FAM153A: variants seen among roughly 807,000 people sequenced by gnomAD.
The protein encoded by FAM153A is protein FAM153A.
In FAM153A, 12 loss-of-function variants were observed where a neutral mutation model predicts 48.1. The ratio of observed to expected loss-of-function variants is 0.25; its 90% CI spans 0.16 to 0.40. FAM153A has a LOEUF of 0.40. FAM153A is among the 10% of genes least tolerant of loss of function. The pLI is 1.00. For missense variants in FAM153A, 111 were observed against 345.8 expected, an observed-to-expected ratio of 0.32 and a Z score of 5.38; for synonymous variants, 36 against 118.2, an observed-to-expected ratio of 0.30 and a Z score of 4.51.
At chr5:177,761,523 C>T (rs1257068786) in intron 1 of FAM153A, among the ~76,000 whole-genome samples, 1 of 151,336 alleles carries the variant, frequency 6.6e-6, no homozygotes, top group Non-Finnish European at 1.5e-5. Context: ...GGGCAACTGT[C>T]CCCTGTGCAC....
chr5:177,699,576 T>C, the FAM153A span, among the ~76,000 whole-genome samples: 2 of 152,248 alleles, frequency 1.3e-5, no homozygotes, highest in African/African-American at 4.8e-5. Context: ...GGGAATACTA[T>C]GGACAACTGT....
the FAM153A span, among the ~76,000 whole-genome samples, chr5:177,696,232 C>T: frequency 4.7e-5 from 6 of 127,172 alleles, no homozygotes; most frequent in East Asian, 4.9e-4. Context: ...GATGGGTGGC[C>T]GGGCAGAGGC....
At chr5:177,743,322 TG>T (rs1171875805) in intron 6 of FAM153A, among the ~76,000 whole-genome samples, 487 of 73,326 alleles carry the variant, frequency 6.6e-3, no homozygotes, top group Middle Eastern at 0.013. Flanking sequence ...CTTTCCCACC[TG>T]CAGTGCATGA....
chr5:177,711,261 G>A (rs1426497098), exon 27 of FAM153A: 1 of 151,778 alleles, frequency 6.6e-6, no homozygotes, highest in Non-Finnish European at 1.5e-5. Context: ...TTTTTAAACG[G>A]AATATGAAAC....
At chr5:177,781,182 T>C, upstream of FAM153A, among the ~76,000 whole-genome samples, 1 of 99,888 alleles carries the variant, frequency 1.0e-5, no homozygotes, top group African/African-American at 4.1e-5. Flanking sequence ...CACTGCAAGC[T>C]CCCCCTCCCG....
chr5:177,756,170 G>A (rs1767708563), upstream of FAM153A, among the ~76,000 whole-genome samples: 1 of 150,398 alleles, frequency 6.6e-6, no homozygotes, highest in East Asian at 1.9e-4. Context: ...AACAAAAAAA[G>A]GCAGGGGTTG....
chr5:177,724,433 T>A, intron 19 of FAM153A, 71 bp from the exon 22 acceptor site: 1 of 1,609,880 alleles, frequency 6.2e-7, no homozygotes, highest in Admixed American at 1.7e-5. Flanking sequence ...GTGAAGGCGG[T>A]GTCCAGAGCA....
intron 4 of FAM153A, chr5:177,747,553 C>T: frequency 1.7e-6 from 1 of 588,426 alleles, no homozygotes; most frequent in Non-Finnish European, 3.0e-6. Flanking sequence ...ACAACACCCT[C>T]TTCTATCCAA....
At chr5:177,705,548 A>C (rs1351904181), downstream of FAM153A, among the ~76,000 whole-genome samples, 1 of 150,810 alleles carries the variant, frequency 6.6e-6, no homozygotes, top group African/African-American at 2.5e-5. Flanking sequence ...AGATTAACAC[A>C]TTCCATTTAC....
downstream of FAM153A, chr5:177,723,257 A>C (rs1379733278): frequency 7.7e-6 from 1 of 129,146 alleles, no homozygotes; most frequent in Non-Finnish European, 1.7e-5. Context: ...GTAAGACACA[A>C]ATTTCTCATG....
rs183237521 is a variant in FAM153A, at chr5:177,712,955, C to T, written c.*1607G>A. ...GGTCCGCTCCCATACACAAACAATA[C>T]CAAATAATGGACTATGTGTCCATCT... On this transcript the variant is annotated 3_prime_UTR_variant and NMD_transcript_variant, in exon 27 of 27. Coordinates refer to the FAM153A transcript ENST00000360669. 99 of 152,006 alleles carry T rather than the reference C, an allele frequency of 6.5e-4. 2 individuals are homozygous for T. The highest frequency in any genetic ancestry group is 2.3e-3 in the African/African-American group (95 of 41,302). 9.4% of individuals were successfully genotyped at this position (152,006 alleles called of 1,614,324 possible). A position where few individuals can be genotyped will look rare whatever the true frequency, so the allele number is the denominator to read the frequency against.
chr5:177,711,273 A>G (rs11748057), exon 27 of FAM153A: 4 of 151,900 alleles, frequency 2.6e-5, no homozygotes, highest in African/African-American at 7.3e-5. Context: ...ATATGAAACA[A>G]TGTTAATAAT....
intron 1 of FAM153A, among the ~76,000 whole-genome samples, chr5:177,760,362 G>A (rs1299192048): frequency 1.3e-5 from 1 of 79,934 alleles, no homozygotes; most frequent in Non-Finnish European, 2.4e-5. Flanking sequence ...TCAGCCTCCC[G>A]AGTAGCTGGG....
chr5:177,731,201 C>A (rs1214337648), intron 16 of FAM153A, among the ~76,000 whole-genome samples: 1 of 24,474 alleles, frequency 4.1e-5, no homozygotes, highest in Admixed American at 4.5e-4. Flanking sequence ...GCAACCTCTA[C>A]CACCTGGGTT....
downstream of FAM153A, among the ~76,000 whole-genome samples, chr5:177,709,112 AAAAAAAAAAAAAAAAAAAAAG>A (rs1758132373): frequency 1.8e-5 from 2 of 111,420 alleles, no homozygotes; most frequent in Non-Finnish European, 3.7e-5. Context: ...AAAAAAAAAA[AAAAAAAAAAAAAAAAAAAAAG>A]AAAGAAAAGC....
At chr5:177,725,796 A>T (rs1037509647) in intron 18 of FAM153A, among the ~76,000 whole-genome samples, 1 of 151,918 alleles carries the variant, frequency 6.6e-6, no homozygotes, top group African/African-American at 2.4e-5. Flanking sequence ...GGTGAGAGCC[A>T]CTGCCTACAG....
intron 26 of FAM153A, chr5:177,713,252 C>G (rs1356251020): frequency 7.8e-6 from 1 of 128,398 alleles, no homozygotes; most frequent in Non-Finnish European, 1.7e-5. Context: ...CTTTTTCTTT[C>G]TTTTCTTTTT....
At chr5:177,717,375 C>T (rs1343047026), downstream of FAM153A, 2 of 148,208 alleles carry the variant, frequency 1.3e-5, no homozygotes, top group Non-Finnish European at 3.0e-5. Flanking sequence ...GGGGAGTAGA[C>T]AACATCTACC....
exon 17 of FAM153A, chr5:177,729,538 C>T (rs775729431): frequency 1.7e-5 from 27 of 1,608,914 alleles, no homozygotes; most frequent in Non-Finnish European, 2.1e-5. Flanking sequence ...ACATGCTCCT[C>T]CAGGTCTTCC....
Sources: gnomAD v4.1 joint callset for allele counts (sites outside exome capture counted in the v4.1 genomes callset) on GRCh38, gnomAD v4.1.1 for gene constraint, MANE v1.5 for transcripts, NCBI Gene and HGNC (gene_info 2026-07-23, HGNC 2026-07-21) for gene names.